The following EIPR1 variants were observed in gnomAD, a reference collection of about 807,000 sequenced individuals.
EIPR1 encodes the protein EARP complex and GARP complex interacting protein 1.
A neutral mutation model predicts 48.1 loss-of-function variants in EIPR1; 25 were observed. The ratio of observed to expected loss-of-function variants is 0.52; its 90% CI spans 0.38 to 0.73. EIPR1 has a LOEUF of 0.73. Ranked by LOEUF, EIPR1 falls within the 30% of genes least tolerant of loss-of-function variation. EIPR1 has a pLI of 0.00. For missense variants in EIPR1, 415 were observed against 506.2 expected (o/e 0.82, Z 1.73); for synonymous variants, 204 against 201.9 (o/e 1.01, Z -0.09).
chr2:3,201,252 C>T (rs1665025028), intron 5 of EIPR1, among the ~76,000 whole-genome samples: 1 of 152,192 alleles, frequency 6.6e-6, no homozygotes, highest in Non-Finnish European at 1.5e-5. Context: ...AAAGATGAGC[C>T]AACCCTTAGA....
chr2:3,284,693 G>C (rs1668123346), intron 3 of EIPR1, among the ~76,000 whole-genome samples: 3 of 152,242 alleles, frequency 2.0e-5, no homozygotes, highest in South Asian at 4.1e-4. Flanking sequence ...TCAGGATACA[G>C]TAACTCAAAT....
intron 3 of EIPR1, chr2:3,320,455 C>CT (rs1669492033): frequency 6.5e-6 from 1 of 153,716 alleles, no homozygotes; most frequent in Admixed American, 6.5e-5. Flanking sequence ...CCCAGCAACT[C>CT]TGCTTCCTCT....
chr2:3,351,769 T>C (rs1448017113), intron 2 of EIPR1, among the ~76,000 whole-genome samples: 1 of 152,244 alleles, frequency 6.6e-6, no homozygotes, highest in East Asian at 1.9e-4. Flanking sequence ...ACATCCTGAA[T>C]AGATGTTGCC....
At chr2:3,360,866 G>A (rs965179918) in intron 1 of EIPR1, among the ~76,000 whole-genome samples, 2 of 151,864 alleles carry the variant, frequency 1.3e-5, no homozygotes, top group East Asian at 1.9e-4. Flanking sequence ...GCTACAAAGC[G>A]CTGCTCACCA....
chr2:3,223,967 T>C (rs1265360857), intron 4 of EIPR1, among the ~76,000 whole-genome samples: 2 of 152,194 alleles, frequency 1.3e-5, no homozygotes, highest in African/African-American at 4.8e-5. Context: ...GAACAAACGC[T>C]TCAGAGTAGT....
chr2:3,304,927 AGTCCCG>A (rs1282015330), intron 3 of EIPR1, among the ~76,000 whole-genome samples: 10 of 146,224 alleles, frequency 6.8e-5, no homozygotes, highest in East Asian at 2.1e-4. Context: ...TCAACCCTCC[AGTCCCG>A]TCCAGTTCAG....
chr2:3,301,131 C>A (rs996043475), intron 3 of EIPR1: 2 of 152,142 alleles, frequency 1.3e-5, no homozygotes, highest in Non-Finnish European at 2.9e-5. Context: ...ATGACAGTTT[C>A]TTTGGACAAG....
rs1553294333 is a variant in EIPR1 at position 3,283,962 on chromosome 2, A to AAAAAG, written c.260-26508_260-26507insCTTTT. Among the ~76,000 whole-genome samples, 273 of 142,574 alleles carry AAAAAG rather than the reference A, an allele frequency of 1.9e-3. 2 individuals carry two copies. Among genetic ancestry groups the AAAAAG allele is most frequent in the African/African-American group, 6.7e-3 (258 of 38,490 alleles). 93.5% of individuals were successfully genotyped at this position (142,574 alleles called of 152,430 possible). A position where few individuals can be genotyped will look rare whatever the true frequency, so the allele number is the denominator to read the frequency against. On this transcript the variant is annotated intron_variant, in intron 3 of 8. Coordinates refer to ENST00000382125, the MANE Select transcript of EIPR1 (RefSeq NM_003310.5). ...CTACATCTAAAAAAAAAAAAAAAAA[A>AAAAAG]AAAGAAAGAAAGAAAAAAAGAAAAG...
chr2:3,203,948 G>A (rs895194503), intron 5 of EIPR1, among the ~76,000 whole-genome samples: 10 of 152,208 alleles, frequency 6.6e-5, no homozygotes, highest in Admixed American at 6.5e-5. Context: ...AGCCTCATGC[G>A]AGGGAGGCTT....
chr2:3,333,666 G>A (rs1669962143), intron 3 of EIPR1, among the ~76,000 whole-genome samples: 1 of 151,636 alleles, frequency 6.6e-6, no homozygotes, highest in Non-Finnish European at 1.5e-5. Context: ...GCTTGAGCCT[G>A]GGAGGTGGAG....
intron 3 of EIPR1, among the ~76,000 whole-genome samples, chr2:3,317,765 G>A (rs1326018697): frequency 6.6e-6 from 1 of 152,206 alleles, no homozygotes; most frequent in Non-Finnish European, 1.5e-5. Context: ...CCTATGAGAA[G>A]AGAAAGAGAC....
At chr2:3,277,935 G>A (rs1667906290) in intron 3 of EIPR1, among the ~76,000 whole-genome samples, 2 of 152,170 alleles carry the variant, frequency 1.3e-5, no homozygotes, top group South Asian at 4.1e-4. Flanking sequence ...GCGTTCTCCA[G>A]CCATTCATGG....
intron 3 of EIPR1, among the ~76,000 whole-genome samples, chr2:3,333,050 C>A (rs956993742): frequency 6.6e-6 from 1 of 152,176 alleles, no homozygotes. Context: ...AAGGAGACTG[C>A]CTGTGGGCGC....
At chr2:3,210,954 A>G (rs2103129449) in intron 5 of EIPR1, among the ~76,000 whole-genome samples, 1 of 152,160 alleles carries the variant, frequency 6.6e-6, no homozygotes, top group African/African-American at 2.4e-5. Flanking sequence ...CCCACTACTA[A>G]GTGAGAACAT....
intron 3 of EIPR1, among the ~76,000 whole-genome samples, chr2:3,257,923 G>A (rs1010253810): frequency 1.3e-5 from 2 of 152,282 alleles, no homozygotes; most frequent in Admixed American, 1.3e-4. Context: ...ATCCTGTCAC[G>A]CATGTTATTC....
rs572384439 is a variant in EIPR1 at position 3,259,653 on chromosome 2, A to G, written c.260-2198T>C. On this transcript the variant is annotated intron_variant, in intron 3 of 8. Coordinates refer to ENST00000382125, the MANE Select transcript of EIPR1 (RefSeq NM_003310.5). The stretch of plus-strand genomic sequence containing the variant: ...CTACACTCACTTCAACTTTTACTCC[A>G]TTCTGAAACCCTTCTAATGTTGTAA... Among the ~76,000 whole-genome samples, 4 of 152,352 alleles carry G rather than the reference A, an allele frequency of 2.6e-5. No homozygotes were observed. The East Asian group carries it at 7.7e-4, about 29-fold the overall frequency.
chr2:3,328,478 C>A (rs1281785454), intron 3 of EIPR1, among the ~76,000 whole-genome samples: 1 of 145,648 alleles, frequency 6.9e-6, no homozygotes, highest in Non-Finnish European at 1.5e-5. Context: ...AGCCCACCCA[C>A]CAAGCTCTAA....
intron 3 of EIPR1, among the ~76,000 whole-genome samples, chr2:3,276,131 A>G (rs1201257571): frequency 6.6e-5 from 10 of 152,364 alleles, no homozygotes; most frequent in Admixed American, 6.5e-4. Context: ...TGAAACACAG[A>G]TAAATTGTCA....
intron 8 of EIPR1, among the ~76,000 whole-genome samples, chr2:3,190,829 G>A (rs1324465394): frequency 6.6e-5 from 10 of 152,172 alleles, no homozygotes; most frequent in Admixed American, 5.2e-4. Flanking sequence ...AAACAACAGA[G>A]TCTGGCTCAT....
Sources: allele counts gnomAD v4.1 joint callset (sites outside exome capture counted in the v4.1 genomes callset), GRCh38; gene constraint gnomAD v4.1.1; transcripts MANE v1.5; gene names NCBI Gene and HGNC (gene_info 2026-07-23, HGNC 2026-07-21).